SLC35D4: variants seen among roughly 807,000 people sequenced by gnomAD.
SLC35D4 encodes the protein UDP-N-acetylglucosamine transporter SLC35D4.
chr18:23,363,175 G>A, the SLC35D4 span, among the ~76,000 whole-genome samples: 259 of 149,090 alleles, frequency 1.7e-3, 1 homozygote, highest in African/African-American at 6.2e-3. Context: ...AACCCGGGAG[G>A]CAGAGGTTGC....
the SLC35D4 span, among the ~76,000 whole-genome samples, chr18:23,390,091 CA>C: frequency 6.6e-6 from 1 of 152,116 alleles, no homozygotes; most frequent in Non-Finnish European, 1.5e-5. Flanking sequence ...GACACTGTAC[CA>C]CTTTTATATA....
the SLC35D4 span, among the ~76,000 whole-genome samples, chr18:23,252,226 G>A: frequency 1.3e-5 from 2 of 152,234 alleles, no homozygotes; most frequent in South Asian, 2.1e-4. Context: ...AGTGGATGGG[G>A]AGTTGGCATT....
At chr18:23,425,980 T>C in the SLC35D4 span, among the ~76,000 whole-genome samples, 3 of 152,088 alleles carry the variant, frequency 2.0e-5, no homozygotes, top group Non-Finnish European at 4.4e-5. Flanking sequence ...ATGATGATTA[T>C]GCCTTTGGGC....
the SLC35D4 span, among the ~76,000 whole-genome samples, chr18:23,310,704 G>T: frequency 6.6e-6 from 1 of 152,170 alleles, no homozygotes; most frequent in East Asian, 1.9e-4. Flanking sequence ...GAGCAAGGCA[G>T]CAGACAGACA....
chr18:23,307,434 C>A, the SLC35D4 span, among the ~76,000 whole-genome samples: 6 of 152,214 alleles, frequency 3.9e-5, no homozygotes, highest in Non-Finnish European at 8.8e-5. Context: ...TAGTAGTAAT[C>A]AGAATAGATA....
chr18:23,432,451 G>C, the SLC35D4 span, among the ~76,000 whole-genome samples: 1 of 152,170 alleles, frequency 6.6e-6, no homozygotes, highest in Admixed American at 6.6e-5. Flanking sequence ...GGGAAGCCGA[G>C]GCGGGAGGAT....
chr18:23,267,847 G>T, the SLC35D4 span, among the ~76,000 whole-genome samples: 2 of 152,156 alleles, frequency 1.3e-5, no homozygotes, highest in Non-Finnish European at 2.9e-5. Context: ...TGGCACACAG[G>T]CCCGCACCAT....
At chr18:23,310,146 G>T in the SLC35D4 span, 1 of 916,256 alleles carries the variant, frequency 1.1e-6, no homozygotes, top group Non-Finnish European at 1.3e-6. Context: ...TCATTAACCT[G>T]TTCTCGGATC....
chr18:23,257,351 T>C, the SLC35D4 span: 1 of 1,608,846 alleles, frequency 6.2e-7, no homozygotes, highest in East Asian at 2.2e-5. Flanking sequence ...TACAGACGGC[T>C]GGTCCAGAGT....
At chr18:23,410,035 T>C in the SLC35D4 span, among the ~76,000 whole-genome samples, 1 of 152,150 alleles carries the variant, frequency 6.6e-6, no homozygotes, top group Non-Finnish European at 1.5e-5. Flanking sequence ...CTGTTTTATA[T>C]CAGGAACTTA....
At chr18:23,416,669 G>A in the SLC35D4 span, among the ~76,000 whole-genome samples, 1 of 152,210 alleles carries the variant, frequency 6.6e-6, no homozygotes, top group African/African-American at 2.4e-5. Flanking sequence ...ACCCAGATAT[G>A]GGGATCTTGG....
At chr18:23,324,703 C>T in the SLC35D4 span, among the ~76,000 whole-genome samples, 1 of 152,110 alleles carries the variant, frequency 6.6e-6, no homozygotes, top group Non-Finnish European at 1.5e-5. Context: ...GAGTCCTGTG[C>T]TAAGCCTAAA....
chr18:23,339,676 T>A, the SLC35D4 span, among the ~76,000 whole-genome samples: 1 of 152,180 alleles, frequency 6.6e-6, no homozygotes, highest in Admixed American at 6.5e-5. Flanking sequence ...AAGATTTGTC[T>A]CTCATAGTTC....
At chr18:23,349,673 T>A in the SLC35D4 span, among the ~76,000 whole-genome samples, 1 of 152,226 alleles carries the variant, frequency 6.6e-6, no homozygotes, top group East Asian at 1.9e-4. Context: ...TTTTTTAGAT[T>A]GAATTATTTC....
At chr18:23,275,166 C>T in the SLC35D4 span, among the ~76,000 whole-genome samples, 1 of 151,610 alleles carries the variant, frequency 6.6e-6, no homozygotes, top group Admixed American at 6.6e-5. Context: ...GTGCAGGGTG[C>T]AGGGAGGGGC....
the SLC35D4 span, among the ~76,000 whole-genome samples, chr18:23,263,822 T>C: frequency 6.6e-6 from 1 of 152,212 alleles, no homozygotes; most frequent in Admixed American, 6.5e-5. Context: ...TCTGAGACTA[T>C]TCATGTCTCA....
At chr18:23,382,685 G>A in the SLC35D4 span, among the ~76,000 whole-genome samples, 8 of 152,206 alleles carry the variant, frequency 5.3e-5, no homozygotes, top group South Asian at 4.1e-4. Flanking sequence ...GAAACTGCAC[G>A]ATGGTGTTGT....
the SLC35D4 span, among the ~76,000 whole-genome samples, chr18:23,382,377 G>T: frequency 6.6e-6 from 1 of 151,534 alleles, no homozygotes; most frequent in Non-Finnish European, 1.5e-5. Context: ...ACCATTTAGT[G>T]ACTCTTTAGC....
At chr18:23,252,822 G>T in the SLC35D4 span, 9 of 586,010 alleles carry the variant, frequency 1.5e-5, no homozygotes, top group Middle Eastern at 3.0e-4. Flanking sequence ...GGATTCCGCC[G>T]AGCCCTTGTT....
Sources: allele counts gnomAD v4.1 joint callset (sites outside exome capture counted in the v4.1 genomes callset), GRCh38; gene constraint gnomAD v4.1.1; transcripts MANE v1.5; gene names NCBI Gene and HGNC (gene_info 2026-07-23, HGNC 2026-07-21).